Variants in ATP6V1C2 observed in about 807,000 individuals in gnomAD.
ATP6V1C2 encodes the protein V-type proton ATPase subunit C 2.
In ATP6V1C2, 45 loss-of-function variants were observed where a neutral mutation model predicts 56.8. That is an observed-to-expected ratio of 0.79 (90% CI 0.62 to 1.02). The LOEUF is 1.02. Ranked by LOEUF, ATP6V1C2 falls within the 50% of genes least tolerant of loss-of-function variation. The pLI is 0.00. For missense variants in ATP6V1C2, 463 were observed against 519.7 expected (o/e 0.89, Z 1.06); for synonymous variants, 220 against 201.3 (o/e 1.09, Z -0.79).
chr2:10,761,212 G>A lies in ATP6V1C2; in HGVS notation c.284-3119G>A, dbSNP rs576551608. ...ACTTGCCTGGGGTGTCAGAGGGGAC[G>A]GGGTAGGAGGTGGAGGGAAGAGATG... is the stretch of plus-strand genomic sequence containing the variant. On this transcript the variant is annotated intron_variant, in intron 4 of 13. Transcript: ENST00000272238. Among the ~76,000 whole-genome samples, 86 of 152,254 alleles carry A rather than the reference G, an allele frequency of 5.6e-4. No homozygotes were observed. The South Asian group carries it at 0.017, about 31-fold the overall frequency.
chr2:10,758,318 C>G (rs959837071), intron 4 of ATP6V1C2, among the ~76,000 whole-genome samples: 2 of 152,212 alleles, frequency 1.3e-5, no homozygotes, highest in Non-Finnish European at 2.9e-5. Flanking sequence ...CAGTATCCAT[C>G]CCCAGTCCCG....
intron 3 of ATP6V1C2, among the ~76,000 whole-genome samples, chr2:10,753,071 T>G (rs1246042880): frequency 6.6e-6 from 1 of 152,180 alleles, no homozygotes; most frequent in African/African-American, 2.4e-5. Flanking sequence ...TGTGGCCAAT[T>G]TGAGCCCTTT....
At chr2:10,739,388 C>A (rs1187817314) in intron 3 of ATP6V1C2, among the ~76,000 whole-genome samples, 2 of 152,130 alleles carry the variant, frequency 1.3e-5, no homozygotes, top group South Asian at 2.1e-4. Flanking sequence ...TTACTTGCGA[C>A]CCTCACTTCC....
chr2:10,760,028 T>C (rs1252756543), intron 4 of ATP6V1C2, among the ~76,000 whole-genome samples: 1 of 95,494 alleles, frequency 1.0e-5, no homozygotes, highest in African/African-American at 4.8e-5. Flanking sequence ...TTTTTGTTTT[T>C]TGTTTTTTTT....
At position 10,760,170 on chromosome 2, in the gene ATP6V1C2, C is replaced by T. The variant is rs189864541; in HGVS notation, c.284-4161C>T. 6.0e-3 allele frequency among the ~76,000 whole-genome samples: 913 copies of T among 151,738 alleles called. 14 individuals are homozygous for T. Among genetic ancestry groups the T allele is most frequent in the African/African-American group, 0.021 (872 of 41,380 alleles). The stretch of plus-strand genomic sequence containing the variant: ...GGCGGATCACCTGAGGTCAGGAGTT[C>T]GAGACCAGCCTGGCCAACATGGTGA... On this transcript the variant is annotated intron_variant, in intron 4 of 13. Transcript: ENST00000272238.
At chr2:10,740,249 G>A (rs895277914) in intron 3 of ATP6V1C2, among the ~76,000 whole-genome samples, 5 of 152,168 alleles carry the variant, frequency 3.3e-5, no homozygotes, top group Non-Finnish European at 7.3e-5. Context: ...AGCTTGGTTC[G>A]TGTACCTGGC....
Position 10,722,848 on chromosome 2 carries a change from G to A in ATP6V1C2, c.-2G>A, listed in dbSNP as rs1298516653. ...GTCACTGGGTAAGAGAAGACTGGAA[G>A]CATGTCGGAGTTTTGGTTAATTTCT... On this transcript the variant is annotated 5_prime_UTR_variant, in exon 2 of 14. Coordinates refer to ENST00000272238, the MANE Select transcript of ATP6V1C2 (RefSeq NM_001039362.2). 11 of 1,614,038 alleles carry A rather than the reference G, an allele frequency of 6.8e-6. No individual in the cohort carries two copies. Among genetic ancestry groups the A allele is most frequent in the African/African-American group, 1.3e-5 (1 of 75,028 alleles).
intron 3 of ATP6V1C2, among the ~76,000 whole-genome samples, chr2:10,740,363 C>T (rs185413597): frequency 8.0e-4 from 122 of 152,272 alleles, no homozygotes; most frequent in African/African-American, 2.9e-3. Context: ...TGTGTGACTG[C>T]GCTGTTCCTG....
In ATP6V1C2 at chr2:10,776,495, A is replaced by C. The variant is rs560317124; in HGVS notation, c.826-1090A>C. On this transcript the variant is annotated intron_variant, in intron 10 of 13. Coordinates refer to ENST00000272238, the MANE Select transcript of ATP6V1C2 (RefSeq NM_001039362.2). ...CCCACAGACCCAGACACCAGGCAGGAAAGATTTTCCCCAGTGAAAGCTGAG... is the reference window on the plus strand; with the variant it reads ...CCCACAGACCCAGACACCAGGCAGGCAAGATTTTCCCCAGTGAAAGCTGAG... 2.4e-4 allele frequency among the ~76,000 whole-genome samples: 36 copies of C among 152,258 alleles called. No individual in the cohort carries two copies. In the East Asian group the frequency reaches 6.4e-3, roughly 27 times the overall value.
chr2:10,745,423 C>T (rs530948032), intron 3 of ATP6V1C2, among the ~76,000 whole-genome samples: 1 of 151,054 alleles, frequency 6.6e-6, no homozygotes, highest in East Asian at 2.0e-4. Context: ...GGCACCATCT[C>T]AACTCACTGC....
At chr2:10,766,357 C>G (rs1252444915) in intron 5 of ATP6V1C2, among the ~76,000 whole-genome samples, 2 of 152,168 alleles carry the variant, frequency 1.3e-5, no homozygotes, top group Non-Finnish European at 2.9e-5. Flanking sequence ...AAGGAGACTC[C>G]TCTATCATCT....
intron 3 of ATP6V1C2, among the ~76,000 whole-genome samples, chr2:10,739,017 C>T (rs1662405038): frequency 6.6e-6 from 1 of 152,324 alleles, no homozygotes; most frequent in Admixed American, 6.5e-5. Context: ...TCATTTGCCC[C>T]ACAGCAGCCA....
At chr2:10,739,540 C>A (rs1662434309) in intron 3 of ATP6V1C2, among the ~76,000 whole-genome samples, 1 of 151,976 alleles carries the variant, frequency 6.6e-6, no homozygotes, top group Admixed American at 6.6e-5. Flanking sequence ...CCCCCACCCA[C>A]CACCCCAGCC....
chr2:10,768,609 G>T (rs1664380239), intron 5 of ATP6V1C2, 110 bp from the exon 6 acceptor site: 2 of 878,670 alleles, frequency 2.3e-6, no homozygotes. Flanking sequence ...CAAATGGGCA[G>T]GGCAGTTATT....
intron 4 of ATP6V1C2, among the ~76,000 whole-genome samples, chr2:10,761,664 C>T (rs1198866): frequency 0.47 from 71,713 of 152,016 alleles, 18,254 homozygotes; most frequent in African/African-American, 0.67. Flanking sequence ...GGCTTGTAGA[C>T]GGCCACCTTC....
chr2:10,784,852 T>A lies in ATP6V1C2; in HGVS notation c.*1589T>A, dbSNP rs1665628699. The A allele has an allele frequency of 2.9e-6, 3 of 1,046,112 alleles. No individual in the cohort carries two copies. Among genetic ancestry groups the A allele is most frequent in the Non-Finnish European group, 4.3e-6 (3 of 690,658 alleles). The allele number at this position is 1,046,112 out of a possible 1,614,324, so 64.8% of individuals were successfully genotyped here. On this transcript the variant is annotated 3_prime_UTR_variant, in exon 14 of 14. Coordinates refer to ENST00000272238, the MANE Select transcript of ATP6V1C2 (RefSeq NM_001039362.2). ...AGGGCTGAGGTCTGATGGGAAGGAC[T>A]TGACTCCAGGTGCAGAGATGCACAG...
intron 4 of ATP6V1C2, among the ~76,000 whole-genome samples, chr2:10,761,449 C>G (rs1663898915): frequency 6.6e-6 from 1 of 152,082 alleles, no homozygotes; most frequent in Admixed American, 6.6e-5. Flanking sequence ...CTGACCACTC[C>G]CTGCTCTTAC....
intron 12 of ATP6V1C2, among the ~76,000 whole-genome samples, chr2:10,781,633 A>G (rs926903326): frequency 6.6e-5 from 10 of 152,234 alleles, no homozygotes; most frequent in African/African-American, 1.7e-4. Flanking sequence ...CCGAGGGAAC[A>G]TAGGTGCTAA....
At chr2:10,727,224 C>T (rs924400919) in intron 3 of ATP6V1C2, among the ~76,000 whole-genome samples, 3 of 151,976 alleles carry the variant, frequency 2.0e-5, no homozygotes, top group African/African-American at 4.8e-5. Flanking sequence ...CACCCTCCAC[C>T]ATGCCCAGCT....
Sources: gnomAD v4.1 joint callset for allele counts (sites outside exome capture counted in the v4.1 genomes callset) on GRCh38, gnomAD v4.1.1 for gene constraint, MANE v1.5 for transcripts, NCBI Gene and HGNC (gene_info 2026-07-23, HGNC 2026-07-21) for gene names.